NCAPD3: variants seen among roughly 807,000 people sequenced by gnomAD.
NCAPD3 encodes condensin-2 complex subunit D3.
A neutral mutation model predicts 182.9 loss-of-function variants in NCAPD3; 105 were observed. The ratio of observed to expected loss-of-function variants is 0.57; its 90% CI spans 0.49 to 0.68. The LOEUF (loss-of-function observed/expected upper bound fraction) is 0.68, where lower values mean the gene tolerates loss of function less well. Among genes scored for constraint, NCAPD3 ranks in the 30% least tolerant of loss-of-function variants. NCAPD3 has a pLI of 0.00. For missense variants in NCAPD3, 1,944 were observed against 1,837.0 expected, an observed-to-expected ratio of 1.06 and a Z score of -1.07; for synonymous variants, 815 against 679.9, an observed-to-expected ratio of 1.20 and a Z score of -3.09.
At chr11:134,167,443 AGAG>A (rs929713314) in intron 27 of NCAPD3, among the ~76,000 whole-genome samples, 2 of 129,246 alleles carry the variant, frequency 1.5e-5, no homozygotes, top group African/African-American at 6.0e-5. Flanking sequence ...CACACTCGTG[AGAG>A]GAGCTTAGGG....
chr11:134,197,998 C>T (rs1013669209), intron 13 of NCAPD3, among the ~76,000 whole-genome samples: 1 of 152,194 alleles, frequency 6.6e-6, no homozygotes, highest in African/African-American at 2.4e-5. Context: ...TCTTTGACTT[C>T]TTTTCAACAT....
chr11:134,219,904 A>C lies in NCAPD3; in HGVS notation c.219+668T>G, dbSNP rs186348058. Among the ~76,000 whole-genome samples, 633 of 152,026 alleles carry C rather than the reference A, an allele frequency of 4.2e-3. 4 individuals carry two copies. Among genetic ancestry groups the C allele is most frequent in the African/African-American group, 0.015 (606 of 41,484 alleles). On this transcript the variant is annotated intron_variant, in intron 2 of 34. Coordinates refer to ENST00000534548, the MANE Select transcript of NCAPD3 (RefSeq NM_015261.3). The stretch of plus-strand genomic sequence containing the variant: ...CTCCGCCTCCTGGGTTCAAGCAATT[A>C]TCTGCCCCAGCCTCTCGAGTAGCTG...
At position 134,167,057 on chromosome 11, in the gene NCAPD3, G is replaced by C. The variant is rs544910864; in HGVS notation, c.3573+939C>G. The stretch of plus-strand genomic sequence containing the variant: ...TTGGGGGAGCTGCACACTCACTAGT[G>C]AGATGAGCTTGGGGGAGCTGCACAC... On this transcript the variant is annotated intron_variant, in intron 27 of 34. Transcript: ENST00000534548. 2.4e-4 allele frequency among the ~76,000 whole-genome samples: 26 copies of C among 108,436 alleles called. No homozygotes were observed. The South Asian group carries it at 8.7e-3, about 36-fold the overall frequency. 71.1% of individuals were successfully genotyped at this position (108,436 alleles called of 152,430 possible).
rs776624136 is a variant in NCAPD3 at position 134,204,866 on chromosome 11, C to T, written c.1089+33G>A. 36 of 1,529,806 alleles carry T rather than the reference C, an allele frequency of 2.4e-5. No homozygotes were observed. Among genetic ancestry groups the T allele is most frequent in the Non-Finnish European group, 3.2e-5 (35 of 1,105,044 alleles). 94.8% of individuals were successfully genotyped at this position (1,529,806 alleles called of 1,614,324 possible). A position where few individuals can be genotyped will look rare whatever the true frequency, so the allele number is the denominator to read the frequency against. On this transcript the variant is annotated intron_variant, in intron 9 of 34. Transcript: ENST00000534548. This position sits in a 1 kb window ranked among gnomAD's most constrained non-coding sequence, Gnocchi z 4.3. The stretch of plus-strand genomic sequence containing the variant: ...ATTTATCTTCACACACGATATACTT[C>T]CATGTTATTAATATTACTAAGGCAA...
intron 3 of NCAPD3, among the ~76,000 whole-genome samples, chr11:134,211,397 C>T (rs1206315355): frequency 6.6e-6 from 1 of 152,056 alleles, no homozygotes; most frequent in African/African-American, 2.4e-5. Context: ...CCTGTAATTC[C>T]AACACTTTGG....
chr11:134,186,996 A>G (rs117808609), intron 16 of NCAPD3, among the ~76,000 whole-genome samples: 43 of 152,328 alleles, frequency 2.8e-4, no homozygotes, highest in Non-Finnish European at 5.0e-4. Flanking sequence ...AATGTTTATT[A>G]TATGTAGCCA....
At chr11:134,157,784 C>A in intron 31 of NCAPD3, 144 bp downstream of exon 31, 1 of 925,540 alleles carries the variant, frequency 1.1e-6, no homozygotes, top group Non-Finnish European at 1.6e-6. Context: ...CATTGTTTTA[C>A]TACCCATGAT....
At chr11:134,197,353 T>C (rs1318815866) in intron 13 of NCAPD3, among the ~76,000 whole-genome samples, 1 of 147,138 alleles carries the variant, frequency 6.8e-6, no homozygotes, top group Non-Finnish European at 1.5e-5. Flanking sequence ...ATTGGCTCAC[T>C]GCAACCTCTA....
intron 27 of NCAPD3, among the ~76,000 whole-genome samples, chr11:134,167,779 C>A (rs1311423413): frequency 8.4e-6 from 1 of 118,432 alleles, no homozygotes; most frequent in Non-Finnish European, 1.7e-5. Context: ...GTGAGATGAG[C>A]TTGGGGGAGG....
At chr11:134,206,544 C>A (rs1937619277) in intron 8 of NCAPD3, 55 bp downstream of exon 8, 1 of 1,598,864 alleles carries the variant, frequency 6.3e-7, no homozygotes. Flanking sequence ...TAGTGCAGGG[C>A]CCAGAGTACT....
At chr11:134,188,041 G>A (rs1323839621) in intron 16 of NCAPD3, among the ~76,000 whole-genome samples, 1 of 152,216 alleles carries the variant, frequency 6.6e-6, no homozygotes, top group African/African-American at 2.4e-5. Flanking sequence ...GGTGAGAGGT[G>A]AAGCCAGTTG....
At chr11:134,174,849 A>G (rs1944120993) in intron 24 of NCAPD3, among the ~76,000 whole-genome samples, 1 of 152,218 alleles carries the variant, frequency 6.6e-6, no homozygotes. Flanking sequence ...TGTCCCATAA[A>G]TATGTATAAT....
intron 3 of NCAPD3, among the ~76,000 whole-genome samples, chr11:134,212,169 C>T (rs968240533): frequency 3.3e-5 from 5 of 152,028 alleles, no homozygotes; most frequent in Admixed American, 2.6e-4. Context: ...GGCTTGCAGA[C>T]CTGCACTAAA....
intron 20 of NCAPD3, among the ~76,000 whole-genome samples, chr11:134,179,923 C>A (rs552002585): frequency 6.6e-6 from 1 of 151,844 alleles, no homozygotes; most frequent in African/African-American, 2.4e-5. Flanking sequence ...TATTTAAGTT[C>A]TATTTAAAGA....
At chr11:134,166,742 T>C (rs1246402461) in intron 27 of NCAPD3, among the ~76,000 whole-genome samples, 2 of 98,896 alleles carry the variant, frequency 2.0e-5, no homozygotes, top group Non-Finnish European at 3.9e-5. Flanking sequence ...TGAGATGAGC[T>C]TGGGGGAGGC....
intron 27 of NCAPD3, among the ~76,000 whole-genome samples, chr11:134,162,225 C>T (rs879336131): frequency 6.6e-6 from 1 of 152,216 alleles, no homozygotes; most frequent in Admixed American, 6.5e-5. Context: ...GCTCTTGCTC[C>T]ACCTTCAGTC....
intron 1 of NCAPD3, 95 bp from the exon 2 acceptor site, chr11:134,220,821 T>G: frequency 8.3e-7 from 1 of 1,199,704 alleles, no homozygotes; most frequent in Non-Finnish European, 1.2e-6. Context: ...GGAGAAAAGT[T>G]TACTAGTCAC....
Position 134,204,047 on chromosome 11 carries a change from T to C in NCAPD3, c.1214A>G (p.Lys405Arg), listed in dbSNP as rs776729059. 1.2e-5 allele frequency: 20 copies of C among 1,614,012 alleles called. No homozygotes were observed. The highest frequency in any genetic ancestry group is 1.6e-4 in the Middle Eastern group (1 of 6,084). The change falls in exon 10 of 35, where the codon AAG becomes AGG. Residue 405 changes from lysine (K) to arginine (R), a missense_variant and splice_region_variant. By Grantham distance (26) the Lys-to-Arg change is conservative (BLOSUM62 2). Transcript: ENST00000534548. This position sits in a 1 kb window ranked among gnomAD's most constrained non-coding sequence, Gnocchi z 4.3. ...AWLYKYSRSS[K>R]IPHRVFTLDV... ...GTTTTATGCAGAGCTATCTCCTACCTTGGAACTTCGGGAGTATTTGTAAAG... is the reference window on the plus strand; with the variant it reads ...GTTTTATGCAGAGCTATCTCCTACCCTGGAACTTCGGGAGTATTTGTAAAG...
intron 16 of NCAPD3, among the ~76,000 whole-genome samples, chr11:134,192,422 CTACTACA>C (rs1392218625): frequency 2.0e-5 from 3 of 152,158 alleles, no homozygotes; most frequent in African/African-American, 7.2e-5. Context: ...TCAGTGTTGT[CTACTACA>C]TATGAAGACA....
Sources: allele counts gnomAD v4.1 joint callset (sites outside exome capture counted in the v4.1 genomes callset), GRCh38; gene constraint gnomAD v4.1.1; non-coding constraint Gnocchi (gnomAD v3.1); transcripts MANE v1.5; gene names NCBI Gene and HGNC (gene_info 2026-07-23, HGNC 2026-07-21).